PRKN: variants seen among roughly 807,000 people sequenced by gnomAD.
PRKN encodes parkin RBR E3 ubiquitin protein ligase.
PRKN carries 56 observed loss-of-function variants against 59.5 expected under a neutral mutation model. That is an observed-to-expected ratio of 0.94 (90% CI 0.76 to 1.18). The LOEUF is 1.18. Ranked by LOEUF, PRKN falls within the 50% of genes most tolerant of loss-of-function variation. PRKN has a pLI of 0.00. For synonymous variants in PRKN, 250 were observed against 222.1 expected (o/e 1.13, Z -1.12); for missense variants, 657 against 596.4 (o/e 1.10, Z -1.06).
intron 2 of PRKN, among the ~76,000 whole-genome samples, chr6:162,328,853 AG>A (rs1461811636): frequency 5.3e-5 from 8 of 152,126 alleles, no homozygotes; most frequent in African/African-American, 9.7e-5. Flanking sequence ...GCCAGAGAGC[AG>A]GGGGGTGGTA....
rs1789853077 is a variant in PRKN, at chr6:162,437,843, G to C, written c.171+5467C>G. 3.3e-5 allele frequency among the ~76,000 whole-genome samples: 5 copies of C among 152,256 alleles called. No homozygotes were observed. The South Asian group carries it at 8.3e-4, about 25-fold the overall frequency. ...ACCACAGATCCACTGAAAGACATCAGAGTTGTTTCCGTGTTCTGCTAATGT... is the reference window on the plus strand; with the variant it reads ...ACCACAGATCCACTGAAAGACATCACAGTTGTTTCCGTGTTCTGCTAATGT... On this transcript the variant is annotated intron_variant, in intron 2 of 11. Transcript: ENST00000366898.
At chr6:161,748,818 T>A (rs141445635) in intron 7 of PRKN, among the ~76,000 whole-genome samples, 1 of 152,196 alleles carries the variant, frequency 6.6e-6, no homozygotes, top group East Asian at 1.9e-4. Context: ...TGTTGAGAAT[T>A]GAAAGTCTCC....
chr6:162,087,541 G>T lies in PRKN; in HGVS notation c.535-33367C>A, dbSNP rs1440060787. On this transcript the variant is annotated intron_variant, in intron 4 of 11. Coordinates refer to ENST00000366898, the MANE Select transcript of PRKN (RefSeq NM_004562.3). Reference sequence around the variant, plus strand: ...CCCTATGAAAGGAAGCATGGTTTCTGCTTCAAGTGGGTGAGTGGAGGGCCT... The same window carrying T: ...CCCTATGAAAGGAAGCATGGTTTCTTCTTCAAGTGGGTGAGTGGAGGGCCT... Among the ~76,000 whole-genome samples the T allele has an allele frequency of 3.3e-5, 5 of 149,804 alleles. No homozygotes were observed. The East Asian group carries it at 9.9e-4, about 30-fold the overall frequency.
At chr6:162,240,562 T>A (rs902792882) in intron 3 of PRKN, among the ~76,000 whole-genome samples, 46 of 152,248 alleles carry the variant, frequency 3.0e-4, no homozygotes, top group Middle Eastern at 3.4e-3. Context: ...GCATATTTAA[T>A]AAATATAGAA....
chr6:162,391,245 C>G (rs1355970677), intron 2 of PRKN, among the ~76,000 whole-genome samples: 2 of 151,882 alleles, frequency 1.3e-5, no homozygotes, highest in Non-Finnish European at 2.9e-5. Context: ...AATTTTCTTA[C>G]TGCGCATGCT....
At chr6:162,624,762 C>T (rs1782817836) in intron 1 of PRKN, among the ~76,000 whole-genome samples, 1 of 152,146 alleles carries the variant, frequency 6.6e-6, no homozygotes, top group South Asian at 2.1e-4. Context: ...CTCAAGGGCT[C>T]CTCCTGCCTT....
intron 4 of PRKN, among the ~76,000 whole-genome samples, chr6:162,106,808 A>T (rs138315414): frequency 6.4e-4 from 97 of 152,326 alleles, no homozygotes; most frequent in African/African-American, 2.3e-3. Flanking sequence ...TGTGTTACTC[A>T]GGACACAAGT....
At chr6:162,658,613 A>G (rs1317550074) in intron 1 of PRKN, among the ~76,000 whole-genome samples, 3 of 149,364 alleles carry the variant, frequency 2.0e-5, no homozygotes, top group East Asian at 3.9e-4. Flanking sequence ...GTGAGCCGAG[A>G]CAGTGCCATT....
intron 2 of PRKN, among the ~76,000 whole-genome samples, chr6:162,386,003 TA>T (rs1448508452): frequency 2.0e-5 from 3 of 152,176 alleles, no homozygotes; most frequent in African/African-American, 7.2e-5. Context: ...TCAATTTCTA[TA>T]AATGACTAAC....
At chr6:162,304,514 TCTATCTA>T (rs1782127950) in intron 2 of PRKN, among the ~76,000 whole-genome samples, 1 of 140,266 alleles carries the variant, frequency 7.1e-6, no homozygotes, top group Admixed American at 7.4e-5. Context: ...TATCTATCTA[TCTATCTA>T]TCTATCTATC....
chr6:162,696,072 T>C (rs1336766519), intron 1 of PRKN, among the ~76,000 whole-genome samples: 3 of 152,052 alleles, frequency 2.0e-5, no homozygotes, highest in African/African-American at 7.2e-5. Flanking sequence ...TGGTATTTTC[T>C]TGGAATCCTA....
At chr6:162,070,933 A>C (rs866575861) in intron 4 of PRKN, among the ~76,000 whole-genome samples, 1 of 152,106 alleles carries the variant, frequency 6.6e-6, no homozygotes, top group Middle Eastern at 3.4e-3. Context: ...GGTGCTTTCT[A>C]AAGGTGACTA....
intron 5 of PRKN, among the ~76,000 whole-genome samples, chr6:162,000,784 A>C (rs1782023923): frequency 6.6e-6 from 1 of 151,860 alleles, no homozygotes; most frequent in Admixed American, 6.6e-5. Context: ...ATAGTTCTGC[A>C]CTTTAACAGT....
chr6:162,662,370 TTGTC>T (rs1778920752), intron 1 of PRKN, among the ~76,000 whole-genome samples: 2 of 152,070 alleles, frequency 1.3e-5, no homozygotes, highest in Admixed American at 1.3e-4. Context: ...ATTCTGTAAG[TTGTC>T]TGTTTACACT....
intron 2 of PRKN, among the ~76,000 whole-genome samples, chr6:162,285,282 T>TC (rs1377857877): frequency 6.7e-6 from 1 of 149,228 alleles, no homozygotes; most frequent in Admixed American, 6.7e-5. Context: ...TTTTTTTTTT[T>TC]TTTTTTTTTC....
intron 3 of PRKN, among the ~76,000 whole-genome samples, chr6:162,217,459 C>T (rs142935869): frequency 2.6e-5 from 4 of 152,314 alleles, no homozygotes; most frequent in African/African-American, 9.6e-5. Flanking sequence ...CAGCTCACTG[C>T]AACCCCCACC....
chr6:162,603,386 C>A lies in PRKN; in HGVS notation c.7+124276G>T, dbSNP rs577836868. ...TAAGCCAGAGGTTGGCAAACTACAG[C>A]CTACAAACCAGATGCAGCCTGCTAT... On this transcript the variant is annotated intron_variant, in intron 1 of 11. Coordinates refer to ENST00000366898, the MANE Select transcript of PRKN (RefSeq NM_004562.3). 1.5e-4 allele frequency among the ~76,000 whole-genome samples: 23 copies of A among 152,284 alleles called. 1 individual carries two copies. In the South Asian group the frequency reaches 3.7e-3, roughly 25 times the overall value.
chr6:161,861,280 T>C (rs1298300101), intron 6 of PRKN, among the ~76,000 whole-genome samples: 1 of 152,166 alleles, frequency 6.6e-6, no homozygotes, highest in African/African-American at 2.4e-5. Flanking sequence ...TGCAGGGACA[T>C]GGATGAAACT....
chr6:161,392,773 A>AT (rs1017027937), intron 9 of PRKN, among the ~76,000 whole-genome samples: 3 of 150,486 alleles, frequency 2.0e-5, no homozygotes, highest in African/African-American at 7.4e-5. Flanking sequence ...GTATAGAATA[A>AT]AAAAAAAAAG....
Sources: allele counts gnomAD v4.1 joint callset (sites outside exome capture counted in the v4.1 genomes callset), GRCh38; gene constraint gnomAD v4.1.1; transcripts MANE v1.5; gene names NCBI Gene and HGNC (gene_info 2026-07-23, HGNC 2026-07-21).